RPAP2: variants seen among roughly 807,000 people sequenced by gnomAD.
The protein encoded by RPAP2 is RNA polymerase II associated protein 2, also known as putative RNA polymerase II subunit B1 CTD phosphatase RPAP2.
RPAP2 carries 52 observed loss-of-function variants against 73.1 expected under a neutral mutation model. The ratio of observed to expected loss-of-function variants is 0.71; its 90% confidence interval spans 0.57 to 0.90. The LOEUF (loss-of-function observed/expected upper bound fraction) is 0.90. Among genes scored for constraint, RPAP2 ranks in the 40% least tolerant of loss-of-function variants. The pLI is 0.00. For missense variants in RPAP2, 598 were observed against 701.8 expected, an observed-to-expected ratio of 0.85 and a Z score of 1.67; for synonymous variants, 225 against 242.1, an observed-to-expected ratio of 0.93 and a Z score of 0.65.
At chr1:92,385,967 G>A (rs184736445) in intron 12 of RPAP2, among the ~76,000 whole-genome samples, 13 of 152,206 alleles carry the variant, frequency 8.5e-5, no homozygotes, top group Non-Finnish European at 1.5e-4. Flanking sequence ...TGGCAGGATC[G>A]CACTCCTCAT....
At chr1:92,379,357 T>C (rs1266778333) in intron 11 of RPAP2, among the ~76,000 whole-genome samples, 1 of 152,154 alleles carries the variant, frequency 6.6e-6, no homozygotes, top group Non-Finnish European at 1.5e-5. Context: ...TTTCTAGGAA[T>C]GTAACTTGTA....
chr1:92,356,035 T>C (rs900262580), intron 11 of RPAP2, among the ~76,000 whole-genome samples: 9 of 152,254 alleles, frequency 5.9e-5, no homozygotes, highest in African/African-American at 2.2e-4. Flanking sequence ...TAAATTAATT[T>C]TTTAAATGTT....
At chr1:92,351,305 CAAAAAAAAAAAAAAA>C in intron 11 of RPAP2, among the ~76,000 whole-genome samples, 1 of 86,840 alleles carries the variant, frequency 1.2e-5, no homozygotes, top group East Asian at 3.6e-4. Flanking sequence ...GACTCTGTCT[CAAAAAAAAAAAAAAA>C]AAAAAAAAGA....
In RPAP2 at chr1:92,391,583, T is replaced by G. The variant is rs772883823; in HGVS notation, c.*4572T>G. ...CTCAACAAACCCTTCAAAAAATCAGTGAATCCAGGAGCTAGTTTTTTGAAA... is the reference window on the plus strand; with the variant it reads ...CTCAACAAACCCTTCAAAAAATCAGGGAATCCAGGAGCTAGTTTTTTGAAA... On this transcript the variant is annotated 3_prime_UTR_variant, in exon 13 of 13. Coordinates refer to ENST00000610020, the MANE Select transcript of RPAP2 (RefSeq NM_024813.3). 1 of 152,008 alleles carries G rather than the reference T, an allele frequency of 6.6e-6. No homozygotes were observed. The highest frequency in any genetic ancestry group is 1.5e-5 in the Non-Finnish European group (1 of 68,004). 9.4% of individuals were successfully genotyped at this position (152,008 alleles called of 1,614,324 possible). A position where few individuals can be genotyped will look rare whatever the true frequency, so the allele number is the denominator to read the frequency against.
chr1:92,397,638 G>A lies in RPAP2; in HGVS notation c.*10627G>A, dbSNP rs1656216537. The A allele has an allele frequency of 6.6e-6, 1 of 152,166 alleles. No individual in the cohort carries two copies. The highest frequency in any genetic ancestry group is 1.5e-5 in the Non-Finnish European group (1 of 68,036). The allele number at this position is 152,166 out of a possible 1,614,324, so 9.4% of individuals were successfully genotyped here. A position where few individuals can be genotyped will look rare whatever the true frequency, so the allele number is the denominator to read the frequency against. On this transcript the variant is annotated 3_prime_UTR_variant, in exon 13 of 13. Coordinates refer to ENST00000610020, the MANE Select transcript of RPAP2 (RefSeq NM_024813.3). The stretch of plus-strand genomic sequence containing the variant: ...ACTTCTGCCAAGTTTATGTTAGTTT[G>A]GGAGGACTGAAGCAGAATTCAGTTC...
intron 11 of RPAP2, among the ~76,000 whole-genome samples, chr1:92,358,913 A>G (rs2101376326): frequency 6.6e-6 from 1 of 152,198 alleles, no homozygotes; most frequent in African/African-American, 2.4e-5. Context: ...TAAAAAAAAC[A>G]AAACAGAAAA....
intron 11 of RPAP2, among the ~76,000 whole-genome samples, chr1:92,354,842 C>T (rs1453505626): frequency 6.6e-6 from 1 of 151,120 alleles, no homozygotes; most frequent in African/African-American, 2.4e-5. Flanking sequence ...AATTTGGGGA[C>T]ATTAGCTTTG....
At chr1:92,364,590 A>G (rs1367779676) in intron 11 of RPAP2, among the ~76,000 whole-genome samples, 2 of 152,096 alleles carry the variant, frequency 1.3e-5, no homozygotes, top group Non-Finnish European at 2.9e-5. Context: ...TGCCTTTCAA[A>G]TGGCCCCTTT....
At chr1:92,313,669 T>A (rs1314194534) in intron 6 of RPAP2, among the ~76,000 whole-genome samples, 1 of 152,202 alleles carries the variant, frequency 6.6e-6, no homozygotes, top group African/African-American at 2.4e-5. Context: ...AAGAGAGTCA[T>A]CCTGTCCTTT....
At chr1:92,320,503 C>G (rs1479512037) in intron 6 of RPAP2, 96 bp from the exon 7 acceptor site, 1 of 899,406 alleles carries the variant, frequency 1.1e-6, no homozygotes. Flanking sequence ...AATCTCCTGA[C>G]CTCGAGATCC....
At chr1:92,304,911 G>C (rs1013179323) in intron 5 of RPAP2, among the ~76,000 whole-genome samples, 9 of 151,092 alleles carry the variant, frequency 6.0e-5, no homozygotes, top group Non-Finnish European at 1.3e-4. Flanking sequence ...CAAGGGGGGC[G>C]GATTACCTGA....
chr1:92,355,194 T>C (rs946359538), intron 11 of RPAP2, among the ~76,000 whole-genome samples: 2 of 152,130 alleles, frequency 1.3e-5, no homozygotes, highest in Non-Finnish European at 2.9e-5. Flanking sequence ...AATATAATTA[T>C]TCTACCCCAT....
intron 10 of RPAP2, among the ~76,000 whole-genome samples, chr1:92,343,997 C>T (rs185948334): frequency 6.6e-5 from 10 of 152,316 alleles, no homozygotes; most frequent in Middle Eastern, 3.4e-3. Flanking sequence ...ATCCATTCTT[C>T]GTTCCTCCCC....
rs1224533057 is a variant in RPAP2 at position 92,324,261 on chromosome 1, A to T, written c.1341A>T (p.Pro447=). 1 of 1,613,944 alleles carries T rather than the reference A, an allele frequency of 6.2e-7. No individual in the cohort carries two copies. The highest frequency in any genetic ancestry group is 2.2e-5 in the East Asian group (1 of 44,874). The change falls in exon 8 of 13, where the codon CCA becomes CCT. Residue 447 remains proline (P), a synonymous_variant. Transcript: ENST00000610020. ...RGSGTAIKPL[P]SYENLKKETE... ...CAGGTACAGCCATTAAACCACTGCC[A>T]AGTTACGAGAATTTGAAAAAAGAAA...
At chr1:92,366,719 C>G (rs1349780000) in intron 11 of RPAP2, among the ~76,000 whole-genome samples, 2 of 152,160 alleles carry the variant, frequency 1.3e-5, no homozygotes, top group Admixed American at 6.6e-5. Context: ...TTTTATCTAA[C>G]ATACAGATAA....
intron 11 of RPAP2, among the ~76,000 whole-genome samples, chr1:92,358,858 A>T (rs1654610338): frequency 6.6e-6 from 1 of 152,216 alleles, no homozygotes; most frequent in African/African-American, 2.4e-5. Context: ...AAGTGCTGGG[A>T]TTACAGGTGT....
In RPAP2 at chr1:92,323,782, T is replaced by C. The variant is rs137887082; in HGVS notation, c.862T>C (p.Cys288Arg). The change falls in exon 8 of 13, where the codon TGT becomes CGT. Residue 288 changes from cysteine (C) to arginine (R), a missense_variant. Physicochemically the swap from Cys to Arg is radical, Grantham distance 180. Transcript: ENST00000610020. ...AGATAGTCAGGAGAAAGATGCTACA[T>C]GTGAACTTCCTTTACAGAAAGTAAA... ...KLDSQEKDAT[C>R]ELPLQKVNTQ... 85 of 1,614,128 alleles carry C rather than the reference T, an allele frequency of 5.3e-5. No homozygotes were observed. In the Admixed American group the frequency reaches 8.7e-4, roughly 16 times the overall value.
At chr1:92,334,913 A>G (rs1363538657) in intron 9 of RPAP2, among the ~76,000 whole-genome samples, 12 of 152,122 alleles carry the variant, frequency 7.9e-5, no homozygotes, top group Non-Finnish European at 1.3e-4. Flanking sequence ...GCCCGAACCC[A>G]GGAGGCGGAG....
At chr1:92,306,129 G>T (rs1289456428) in intron 5 of RPAP2, among the ~76,000 whole-genome samples, 1 of 152,158 alleles carries the variant, frequency 6.6e-6, no homozygotes, top group Admixed American at 6.5e-5. Flanking sequence ...CAGCACAAAA[G>T]GACAAATACT....
Sources: gnomAD v4.1 joint callset for allele counts (sites outside exome capture counted in the v4.1 genomes callset) on GRCh38, gnomAD v4.1.1 for gene constraint, MANE v1.5 for transcripts, NCBI Gene and HGNC (gene_info 2026-07-23, HGNC 2026-07-21) for gene names.